Variants in CNTNAP2 observed in about 807,000 individuals in gnomAD.
CNTNAP2 encodes contactin associated protein 2.
A neutral mutation model predicts 155.2 loss-of-function variants in CNTNAP2; 98 were observed. The ratio of observed to expected loss-of-function variants is 0.63; its 90% CI spans 0.54 to 0.75. CNTNAP2 has a LOEUF of 0.75. Ranked by LOEUF, CNTNAP2 falls within the 30% of genes least tolerant of loss-of-function variation. The pLI is 0.00. For missense variants in CNTNAP2, 1,727 were observed against 1,688.1 expected, an observed-to-expected ratio of 1.02 and a Z score of -0.40; for synonymous variants, 651 against 631.2, an observed-to-expected ratio of 1.03 and a Z score of -0.47.
intron 13 of CNTNAP2, among the ~76,000 whole-genome samples, chr7:147,742,896 C>T (rs1462889959): frequency 6.6e-6 from 1 of 152,140 alleles, no homozygotes; most frequent in African/African-American, 2.4e-5. Context: ...AGCAAATCAT[C>T]CTCGATGTGG....
chr7:146,761,189 C>T (rs190106604), intron 1 of CNTNAP2, among the ~76,000 whole-genome samples: 68 of 152,156 alleles, frequency 4.5e-4, no homozygotes, highest in African/African-American at 1.4e-3. Context: ...ACAACCCTTA[C>T]GTCCACCCTA....
chr7:148,269,763 A>G (rs1221986412), intron 21 of CNTNAP2, among the ~76,000 whole-genome samples: 2 of 152,196 alleles, frequency 1.3e-5, no homozygotes, highest in African/African-American at 2.4e-5. Context: ...TTAGTGGAGT[A>G]GGGCCTTGGC....
intron 1 of CNTNAP2, among the ~76,000 whole-genome samples, chr7:146,131,973 G>A (rs1797721130): frequency 6.6e-6 from 1 of 152,128 alleles, no homozygotes; most frequent in Non-Finnish European, 1.5e-5. Flanking sequence ...TTTCTGCCGT[G>A]ATTGTAAGTT....
intron 8 of CNTNAP2, among the ~76,000 whole-genome samples, chr7:147,256,752 TG>T (rs1216931929): frequency 6.6e-6 from 1 of 151,896 alleles, no homozygotes; most frequent in Non-Finnish European, 1.5e-5. Flanking sequence ...AGGGGAGTGG[TG>T]GGGAACAGGA....
chr7:147,213,164 T>C (rs958028047), intron 8 of CNTNAP2, among the ~76,000 whole-genome samples: 1 of 152,158 alleles, frequency 6.6e-6, no homozygotes, highest in African/African-American at 2.4e-5. Context: ...TAATTCAGTG[T>C]GAATCTGAAG....
Position 148,342,069 on chromosome 7 carries a change from T to A in CNTNAP2, c.3476-41580T>A, listed in dbSNP as rs554722066. Reference sequence around the variant, plus strand: ...TGTCTTTAATTTCTTCTTGTCAGAATCAACCAAGCCCAGAGCTATTTACGT... The same window carrying A: ...TGTCTTTAATTTCTTCTTGTCAGAAACAACCAAGCCCAGAGCTATTTACGT... On this transcript the variant is annotated intron_variant, in intron 21 of 23. Transcript: ENST00000361727. Among the ~76,000 whole-genome samples, 14 of 152,350 alleles carry A rather than the reference T, an allele frequency of 9.2e-5. No homozygotes were observed. In the East Asian group the frequency reaches 2.3e-3, roughly 25 times the overall value.
intron 1 of CNTNAP2, among the ~76,000 whole-genome samples, chr7:146,746,086 G>C (rs1394977252): frequency 6.6e-6 from 1 of 152,148 alleles, no homozygotes; most frequent in East Asian, 1.9e-4. Flanking sequence ...TTCTCCAAAA[G>C]GGAGTAGAGT....
intron 13 of CNTNAP2, among the ~76,000 whole-genome samples, chr7:147,799,299 G>T (rs1584960897): frequency 6.6e-6 from 1 of 151,846 alleles, no homozygotes; most frequent in East Asian, 1.9e-4. Flanking sequence ...ATGAGGTGAG[G>T]GGTAGAGGGG....
intron 8 of CNTNAP2, among the ~76,000 whole-genome samples, chr7:147,196,752 A>G (rs1373095805): frequency 6.6e-6 from 1 of 152,208 alleles, no homozygotes; most frequent in African/African-American, 2.4e-5. Context: ...CACAAATTAC[A>G]GAATGGCACA....
At chr7:147,870,488 A>G (rs570717757) in intron 13 of CNTNAP2, among the ~76,000 whole-genome samples, 7 of 152,066 alleles carry the variant, frequency 4.6e-5, no homozygotes, top group Non-Finnish European at 1.0e-4. Context: ...CAAGCAGCTG[A>G]CCATCTGTCA....
chr7:147,003,096 A>G (rs545781689), intron 3 of CNTNAP2, among the ~76,000 whole-genome samples: 14 of 152,166 alleles, frequency 9.2e-5, no homozygotes, highest in Admixed American at 3.9e-4. Context: ...CAAACAAAGA[A>G]ATGAATAAGG....
chr7:146,406,729 A>G (rs1310426711), intron 1 of CNTNAP2, among the ~76,000 whole-genome samples: 1 of 152,160 alleles, frequency 6.6e-6, no homozygotes, highest in Non-Finnish European at 1.5e-5. Flanking sequence ...ACCTTGAGTC[A>G]ACCTCGCAGA....
intron 10 of CNTNAP2, among the ~76,000 whole-genome samples, chr7:147,425,536 C>A (rs1003784061): frequency 6.6e-6 from 1 of 152,034 alleles, no homozygotes; most frequent in Non-Finnish European, 1.5e-5. Context: ...ACTCCCTGAT[C>A]TAGCATCCAG....
At chr7:146,524,938 G>A (rs1213740504) in intron 1 of CNTNAP2, among the ~76,000 whole-genome samples, 2 of 151,978 alleles carry the variant, frequency 1.3e-5, no homozygotes, top group African/African-American at 2.4e-5. Context: ...ATTTCCTAGG[G>A]TTAAAAACTA....
Position 148,134,153 on chromosome 7 carries a change from G to A in CNTNAP2, c.2555-13338G>A, listed in dbSNP as rs186488946. Among the ~76,000 whole-genome samples the A allele has an allele frequency of 2.6e-5, 4 of 152,318 alleles. No homozygotes were observed. In the East Asian group the frequency reaches 7.7e-4, roughly 29 times the overall value. ...GTCATTTTGCTTGCCTTTGCGGATGGTGTTAAAATGATCAAATTTGGTTTT... is the reference window on the plus strand; with the variant it reads ...GTCATTTTGCTTGCCTTTGCGGATGATGTTAAAATGATCAAATTTGGTTTT... On this transcript the variant is annotated intron_variant, in intron 16 of 23. Coordinates refer to ENST00000361727, the MANE Select transcript of CNTNAP2 (RefSeq NM_014141.6).
intron 1 of CNTNAP2, among the ~76,000 whole-genome samples, chr7:146,681,154 A>G (rs770597078): frequency 6.6e-6 from 1 of 151,664 alleles, no homozygotes; most frequent in Non-Finnish European, 1.5e-5. Context: ...AGCGTCACAG[A>G]AAAAATGATT....
intron 18 of CNTNAP2, among the ~76,000 whole-genome samples, chr7:148,177,365 G>A (rs987419634): frequency 3.3e-5 from 5 of 152,158 alleles, no homozygotes; most frequent in South Asian, 2.1e-4. Context: ...GGCAGAGATC[G>A]GAGTTACACT....
chr7:147,545,328 C>T (rs139540136), intron 11 of CNTNAP2, among the ~76,000 whole-genome samples: 54 of 152,086 alleles, frequency 3.6e-4, no homozygotes, highest in Middle Eastern at 3.4e-3. Context: ...AAAAACTAGA[C>T]ACAAAGTGAA....
intron 3 of CNTNAP2, among the ~76,000 whole-genome samples, chr7:146,914,633 T>A (rs1050424353): frequency 6.6e-6 from 1 of 152,102 alleles, no homozygotes; most frequent in African/African-American, 2.4e-5. Context: ...TTAGCTCACT[T>A]TTTGGTGGGA....
Sources: allele counts gnomAD v4.1 joint callset (sites outside exome capture counted in the v4.1 genomes callset), GRCh38; gene constraint gnomAD v4.1.1; transcripts MANE v1.5; gene names NCBI Gene and HGNC (gene_info 2026-07-23, HGNC 2026-07-21).